Variants in PRKN observed in about 807,000 individuals in gnomAD.
PRKN encodes parkin RBR E3 ubiquitin protein ligase.
PRKN carries 56 observed loss-of-function variants against 59.5 expected under a neutral mutation model. The observed-to-expected ratio is 0.94, with a 90% CI of 0.76 to 1.18. The LOEUF (loss-of-function observed/expected upper bound fraction) is 1.18, where lower values mean the gene tolerates loss of function less well. Ranked by LOEUF, PRKN falls within the 50% of genes most tolerant of loss-of-function variation. The probability of loss-of-function intolerance (pLI) is 0.00; values close to 1 mark genes in which losing one functional copy is unlikely to be tolerated. For synonymous variants in PRKN, 250 were observed against 222.1 expected, an observed-to-expected ratio of 1.13 and a Z score of -1.12; for missense variants, 657 against 596.4, an observed-to-expected ratio of 1.10 and a Z score of -1.06.
intron 6 of PRKN, among the ~76,000 whole-genome samples, chr6:161,858,831 G>A (rs1793762799): frequency 2.2e-5 from 3 of 139,436 alleles, no homozygotes; most frequent in Middle Eastern, 4.6e-3. Flanking sequence ...TCAGGGTGCC[G>A]CCTTTCAATT....
intron 1 of PRKN, among the ~76,000 whole-genome samples, chr6:162,575,682 T>A (rs530500674): frequency 1.3e-5 from 2 of 152,246 alleles, no homozygotes; most frequent in South Asian, 4.1e-4. Flanking sequence ...GAGCCTGTCA[T>A]CACCATCAGA....
At chr6:162,289,277 T>C (rs987592315) in intron 2 of PRKN, among the ~76,000 whole-genome samples, 4 of 152,194 alleles carry the variant, frequency 2.6e-5, no homozygotes, top group Middle Eastern at 3.4e-3. Context: ...TCACTTTTTT[T>C]CCCCTTTTTC....
intron 2 of PRKN, among the ~76,000 whole-genome samples, chr6:162,273,953 G>C (rs1215500933): frequency 6.6e-6 from 1 of 151,954 alleles, no homozygotes; most frequent in Non-Finnish European, 1.5e-5. Context: ...TGATCCATAT[G>C]TATCTCTACG....
At chr6:162,252,480 A>C (rs769093441) in intron 3 of PRKN, among the ~76,000 whole-genome samples, 3 of 152,218 alleles carry the variant, frequency 2.0e-5, no homozygotes, top group Non-Finnish European at 4.4e-5. Context: ...TTCTGTCCCC[A>C]AATAATTCAG....
chr6:162,478,888 A>C (rs1792159313), intron 1 of PRKN, among the ~76,000 whole-genome samples: 1 of 152,212 alleles, frequency 6.6e-6, no homozygotes, highest in Non-Finnish European at 1.5e-5. Flanking sequence ...TCTAGGAAAC[A>C]TGGAGTTTGC....
chr6:161,693,850 C>G (rs531045090), intron 7 of PRKN, among the ~76,000 whole-genome samples: 5 of 152,314 alleles, frequency 3.3e-5, no homozygotes, highest in African/African-American at 1.2e-4. Flanking sequence ...TGTGCTCAAT[C>G]AATGCAGAGA....
chr6:161,663,853 G>A (rs1256870804), intron 7 of PRKN, among the ~76,000 whole-genome samples: 2 of 152,172 alleles, frequency 1.3e-5, no homozygotes, highest in South Asian at 4.1e-4. Flanking sequence ...GGTGGACCAC[G>A]AGGAGCAGCC....
At position 161,487,514 on chromosome 6, in the gene PRKN, C is replaced by T. The variant is rs12175609; in HGVS notation, c.1083+61340G>A. ...GAAAAGCCAGAAAAAGGATTTTAGC[C>T]CATGTTCTAAGCCTTCACCATTTTG... On this transcript the variant is annotated intron_variant, in intron 9 of 11. Transcript: ENST00000366898. This position sits in a 1 kb window ranked among gnomAD's most constrained non-coding sequence, Gnocchi z 5.3. 0.27 allele frequency among the ~76,000 whole-genome samples: 40,389 copies of T among 152,016 alleles called. 6,949 individuals are homozygous for T. Among genetic ancestry groups the T allele is most frequent in the East Asian group, 0.5 (2,593 of 5,150 alleles).
Position 161,357,137 on chromosome 6 carries a change from C to T in PRKN, c.1285+2951G>A, listed in dbSNP as rs1308498760. On this transcript the variant is annotated intron_variant, in intron 11 of 11. Transcript: ENST00000366898. The surrounding 1 kb of genome is among the most constrained non-coding windows in gnomAD (Gnocchi z 5.5). The stretch of plus-strand genomic sequence containing the variant: ...CATGATCTCAGCTCACTGCAAATTC[C>T]GCCTCCCAGGTTCAAGTAATTCTCC... Among the ~76,000 whole-genome samples the T allele has an allele frequency of 3.4e-5, 5 of 148,538 alleles. No homozygotes were observed. The highest frequency in any genetic ancestry group is 2.2e-4 in the South Asian group (1 of 4,638).
chr6:162,480,978 G>T (rs757983396), intron 1 of PRKN, among the ~76,000 whole-genome samples: 99 of 109,194 alleles, frequency 9.1e-4, no homozygotes, highest in Admixed American at 2.8e-3. Context: ...GCTAATTTTT[G>T]TGTGTGTGTG....
intron 6 of PRKN, among the ~76,000 whole-genome samples, chr6:161,795,232 T>C (rs1379521363): frequency 6.9e-6 from 1 of 145,788 alleles, no homozygotes; most frequent in African/African-American, 2.5e-5. Flanking sequence ...TCTTTTCTTT[T>C]TTTTTTTTTT....
chr6:162,359,590 TTAA>T lies in PRKN; in HGVS notation c.171+83717_171+83719del, dbSNP rs1465901816. 7.2e-3 allele frequency among the ~76,000 whole-genome samples: 630 copies of T among 87,986 alleles called. 8 individuals carry two copies. The highest frequency in any genetic ancestry group is 0.035 in the African/African-American group (618 of 17,624). 57.7% of individuals were successfully genotyped at this position (87,986 alleles called of 152,430 possible). A position where few individuals can be genotyped will look rare whatever the true frequency, so the allele number is the denominator to read the frequency against. ...CTATAACTAAATATACCTTTTAAAATTAAAAAAAAAAAAACATAAACATGGTTA... is the reference window on the plus strand; with the variant it reads ...CTATAACTAAATATACCTTTTAAAATAAAAAAAAAAACATAAACATGGTTA... On this transcript the variant is annotated intron_variant, in intron 2 of 11. Transcript: ENST00000366898.
chr6:161,770,587 C>T (rs1789624714), intron 7 of PRKN, among the ~76,000 whole-genome samples: 1 of 152,096 alleles, frequency 6.6e-6, no homozygotes, highest in Non-Finnish European at 1.5e-5. Context: ...CCTGCCTCAG[C>T]CTCCCGAGTA....
At chr6:162,000,248 T>C (rs1308479347) in intron 5 of PRKN, among the ~76,000 whole-genome samples, 4 of 152,156 alleles carry the variant, frequency 2.6e-5, no homozygotes, top group African/African-American at 9.7e-5. Context: ...TGAGACCATA[T>C]TGCGTTCCCA....
intron 7 of PRKN, among the ~76,000 whole-genome samples, chr6:161,755,039 A>T (rs1788856813): frequency 6.6e-6 from 1 of 152,206 alleles, no homozygotes; most frequent in African/African-American, 2.4e-5. Flanking sequence ...GATAGGCAGT[A>T]TGGCAAACAA....
intron 3 of PRKN, among the ~76,000 whole-genome samples, chr6:162,258,231 T>C (rs1379184162): frequency 6.6e-6 from 1 of 152,202 alleles, no homozygotes; most frequent in Non-Finnish European, 1.5e-5. Flanking sequence ...CTGCTCCAAA[T>C]AGAATAGCTC....
At chr6:162,577,542 G>A (rs953666434) in intron 1 of PRKN, among the ~76,000 whole-genome samples, 1 of 151,980 alleles carries the variant, frequency 6.6e-6, no homozygotes, top group Non-Finnish European at 1.5e-5. Flanking sequence ...GGGGGGTGCA[G>A]TAAGCGGAGA....
At chr6:162,444,898 G>A (rs1490380361) in intron 1 of PRKN, among the ~76,000 whole-genome samples, 7 of 151,938 alleles carry the variant, frequency 4.6e-5, no homozygotes, top group Admixed American at 1.3e-4. Flanking sequence ...CATATTATTC[G>A]GTTCATTAAA....
chr6:161,936,790 T>A lies in PRKN; in HGVS notation c.734+36512A>T, dbSNP rs530624671. On this transcript the variant is annotated intron_variant, in intron 6 of 11. Transcript: ENST00000366898. ...CTTCTGACTTATTTTTGTTTCATAT[T>A]TTTTTTTTTTTTTGAGACAGAGTCT... Among the ~76,000 whole-genome samples the A allele has an allele frequency of 5.6e-3, 338 of 60,084 alleles. 1 individual carries two copies. Among genetic ancestry groups the A allele is most frequent in the African/African-American group, 0.018 (319 of 17,696 alleles). The allele number at this position is 60,084 out of a possible 152,430, so 39.4% of individuals were successfully genotyped here.
Sources: gnomAD v4.1 joint callset for allele counts (sites outside exome capture counted in the v4.1 genomes callset) on GRCh38, gnomAD v4.1.1 for gene constraint, Gnocchi (gnomAD v3.1) non-coding constraint, MANE v1.5 for transcripts, NCBI Gene and HGNC (gene_info 2026-07-23, HGNC 2026-07-21) for gene names.